Variants in ANKDD1B observed in about 807,000 individuals in gnomAD.
ANKDD1B encodes ankyrin repeat and death domain-containing protein 1B.
In ANKDD1B, 57 loss-of-function variants were observed where a neutral mutation model predicts 59.7. The observed-to-expected ratio is 0.95, with a 90% CI of 0.77 to 1.19. The LOEUF is 1.19. Ranked by LOEUF, ANKDD1B falls within the 50% of genes most tolerant of loss-of-function variation. The pLI is 0.00. For missense variants in ANKDD1B, 602 were observed against 641.9 expected (o/e 0.94, Z 0.67); for synonymous variants, 216 against 239.5 (o/e 0.90, Z 0.91).
At chr5:75,665,517 CTTCT>C (rs1369931069) in intron 11 of ANKDD1B, among the ~76,000 whole-genome samples, 4 of 131,674 alleles carry the variant, frequency 3.0e-5, no homozygotes, top group African/African-American at 1.1e-4. Context: ...CTCAATCTTA[CTTCT>C]TTTAGAATTC....
intron 7 of ANKDD1B, among the ~76,000 whole-genome samples, chr5:75,644,911 G>A (rs1292274772): frequency 8.9e-6 from 1 of 112,958 alleles, no homozygotes; most frequent in Non-Finnish European, 1.6e-5. Context: ...TCAGACCACA[G>A]TGCAATCAAA....
At chr5:75,616,713 A>G in intron 1 of ANKDD1B, 91 bp from the exon 2 acceptor site, 1 of 536,160 alleles carries the variant, frequency 1.9e-6, no homozygotes, top group Admixed American at 3.2e-5. Flanking sequence ...GAAAGACTCA[A>G]AGCTGTTGTT....
intron 7 of ANKDD1B, among the ~76,000 whole-genome samples, chr5:75,649,818 GATTTA>G (rs754900310): frequency 1.1e-4 from 17 of 152,222 alleles, no homozygotes; most frequent in African/African-American, 2.4e-4. Flanking sequence ...CTAAAAAGCA[GATTTA>G]ATTTAAGTCC....
In ANKDD1B at chr5:75,666,866, C is replaced by T; in HGVS notation, c.1266C>T (p.Thr422=). ...LTFKQDHSLE[T]RHIRTLLWDL... ...TCAAGCAAGATCACAGTCTGGAGAC[C>T]AGACACATTCGCACGCTTCTCTGGG... is the stretch of plus-strand genomic sequence containing the variant. Residue 422 remains threonine (T), a synonymous_variant, in exon 12 of 14, where the codon ACC becomes ACT. Transcript: ENST00000601380. The T allele has an allele frequency of 6.5e-7, 1 of 1,535,836 alleles. No homozygotes were observed. The highest frequency in any genetic ancestry group is 8.7e-7 in the Non-Finnish European group (1 of 1,146,798).
At chr5:75,617,648 T>TCAGGGCCCTTGCTTGTA (rs1773747814) in intron 2 of ANKDD1B, among the ~76,000 whole-genome samples, 1 of 152,202 alleles carries the variant, frequency 6.6e-6, no homozygotes, top group African/African-American at 2.4e-5. Flanking sequence ...AGCATAAGCT[T>TCAGGGCCCTTGCTTGTA]CAGGGCCCTT....
intron 10 of ANKDD1B, among the ~76,000 whole-genome samples, chr5:75,660,016 G>A (rs253412): frequency 0.57 from 85,801 of 151,748 alleles, 25,249 homozygotes; most frequent in Middle Eastern, 0.68. Flanking sequence ...CATTTAAGTT[G>A]TTCCTAAGGT....
intron 7 of ANKDD1B, among the ~76,000 whole-genome samples, chr5:75,638,363 G>C (rs1193311722): frequency 6.6e-6 from 1 of 152,022 alleles, no homozygotes; most frequent in Non-Finnish European, 1.5e-5. Context: ...TTATCTTTTT[G>C]GATATCATTC....
At position 75,653,205 on chromosome 5, in the gene ANKDD1B, C is replaced by A; in HGVS notation, c.862C>A (p.Leu288Ile). 1 of 1,536,120 alleles carries A rather than the reference C, an allele frequency of 6.5e-7. No individual in the cohort carries two copies. Among genetic ancestry groups the A allele is most frequent in the Non-Finnish European group, 8.7e-7 (1 of 1,146,880 alleles). ...CCATGCATCCCTTGTCAACTTTCTT[C>A]TCAGTGAGAACGTTGATCTGCACCA... The part of the protein sequence containing the change: ...NGHASLVNFL[L>I]SENVDLHQKV... The change falls in exon 8 of 14, where the codon CTC becomes ATC. Residue 288 changes from leucine to isoleucine, a missense_variant. Around this residue, in one of 3 missense-constraint regions of ANKDD1B, gnomAD observed 280 missense variants for 319.8 expected, o/e 0.88. Transcript: ENST00000601380.
intron 6 of ANKDD1B, chr5:75,635,390 T>C (rs954221530): frequency 2.1e-5 from 4 of 193,154 alleles, no homozygotes; most frequent in African/African-American, 7.0e-5. Context: ...AATTCCTAGA[T>C]ATGGAATTGT....
chr5:75,663,833 C>T (rs990130597), intron 11 of ANKDD1B, among the ~76,000 whole-genome samples: 4 of 152,180 alleles, frequency 2.6e-5, no homozygotes, highest in Admixed American at 2.0e-4. Context: ...CCCAGTAGCA[C>T]GAATGAGTGG....
intron 5 of ANKDD1B, among the ~76,000 whole-genome samples, chr5:75,629,196 A>G (rs7716533): frequency 6.6e-6 from 1 of 152,058 alleles, no homozygotes; most frequent in East Asian, 1.9e-4. Context: ...ATTGTTTCCC[A>G]TCTGTGAGGG....
chr5:75,670,629 CT>C (rs991550526), intron 13 of ANKDD1B, among the ~76,000 whole-genome samples: 1 of 152,066 alleles, frequency 6.6e-6, no homozygotes, highest in Admixed American at 6.6e-5. Flanking sequence ...GTGAGCTGCA[CT>C]TTTTTTTCTA....
Position 75,663,582 on chromosome 5 carries a change from C to G in ANKDD1B, c.1191+93C>G. On this transcript the variant is annotated intron_variant, in intron 11 of 13. Transcript: ENST00000601380. The stretch of plus-strand genomic sequence containing the variant: ...GGGGGGGTCTGTGCCATTCTTTGCT[C>G]TAATGAGCAGAGCTCTGGTCAGTAC... 3.0e-6 allele frequency: 3 copies of G among 1,015,682 alleles called. No individual in the cohort carries two copies. The South Asian group carries it at 4.1e-5, about 14-fold the overall frequency. The allele number at this position is 1,015,682 out of a possible 1,614,324, so 62.9% of individuals were successfully genotyped here. A position where few individuals can be genotyped will look rare whatever the true frequency, so the allele number is the denominator to read the frequency against.
At chr5:75,620,071 A>G (rs895024494) in intron 2 of ANKDD1B, among the ~76,000 whole-genome samples, 10 of 152,220 alleles carry the variant, frequency 6.6e-5, no homozygotes, top group African/African-American at 2.4e-4. Flanking sequence ...TATAAGCTGA[A>G]ACAAGAATTT....
Position 75,623,976 on chromosome 5 carries a change from G to C in ANKDD1B, c.397-1671G>C, listed in dbSNP as rs1189707164. On this transcript the variant is annotated intron_variant, in intron 3 of 13. Transcript: ENST00000601380. ...GGGCAGCCAAAATAAATGCCAAAAG[G>C]CTTATGTACTTTACAAATAGAAGTG... is the stretch of plus-strand genomic sequence containing the variant. 2.0e-5 allele frequency among the ~76,000 whole-genome samples: 3 copies of C among 152,076 alleles called. No homozygotes were observed. The South Asian group carries it at 6.2e-4, about 31-fold the overall frequency.
chr5:75,615,005 T>C lies in ANKDD1B; in HGVS notation c.194-1799T>C, dbSNP rs575151670. ...GAATGTGCAAAATAAATTTCTGTTT[T>C]TTTAAAATTACTTAGTGTCAGGTAT... is the stretch of plus-strand genomic sequence containing the variant. On this transcript the variant is annotated intron_variant, in intron 1 of 13. Transcript: ENST00000601380. 3.3e-5 allele frequency among the ~76,000 whole-genome samples: 5 copies of C among 152,308 alleles called. No homozygotes were observed. The South Asian group carries it at 6.2e-4, about 19-fold the overall frequency.
chr5:75,653,021 G>C (rs553641424), intron 7 of ANKDD1B, 121 bp from the exon 8 acceptor site: 1 of 710,728 alleles, frequency 1.4e-6, no homozygotes, highest in African/African-American at 1.7e-5. Context: ...TCACTGTTAA[G>C]TGATGCACGA....
At chr5:75,635,215 T>C (rs887886248) in intron 6 of ANKDD1B, 1 of 429,214 alleles carries the variant, frequency 2.3e-6, no homozygotes, top group Non-Finnish European at 4.3e-6. Flanking sequence ...TCATAAATGT[T>C]TGTGAAGTCG....
chr5:75,650,968 AG>A (rs1297424641), intron 7 of ANKDD1B, among the ~76,000 whole-genome samples: 8 of 152,114 alleles, frequency 5.3e-5, no homozygotes, highest in African/African-American at 1.7e-4. Context: ...GTCAGGTGGG[AG>A]CTCACCTGGG....
Sources: allele counts gnomAD v4.1 joint callset (sites outside exome capture counted in the v4.1 genomes callset), GRCh38; gene constraint gnomAD v4.1.1; regional missense constraint gnomAD v4.1.1; transcripts MANE v1.5; gene names NCBI Gene and HGNC (gene_info 2026-07-23, HGNC 2026-07-21).